RALB: variants seen among roughly 807,000 people sequenced by gnomAD.
RALB encodes ras-related protein Ral-B.
Under a neutral mutation model 21.3 loss-of-function variants are expected in RALB, and 16 were observed. The ratio of observed to expected loss-of-function variants is 0.75; its 90% CI spans 0.51 to 1.14. RALB has a LOEUF of 1.14. Among genes scored for constraint, RALB ranks in the 50% most tolerant of loss-of-function variants. The probability of loss-of-function intolerance (pLI) is 0.00; values close to 1 mark genes in which losing one functional copy is unlikely to be tolerated. For missense variants in RALB, 161 were observed against 256.2 expected, an observed-to-expected ratio of 0.63 and a Z score of 2.54; for synonymous variants, 93 against 96.1, an observed-to-expected ratio of 0.97 and a Z score of 0.19.
intron 2 of RALB, among the ~76,000 whole-genome samples, chr2:120,284,732 C>A (rs988257883): frequency 8.9e-6 from 1 of 111,802 alleles, no homozygotes; most frequent in Admixed American, 9.5e-5. Flanking sequence ...AATTTTAGAT[C>A]ACTTTCATCA....
chr2:120,290,830 G>A (rs147467984), intron 4 of RALB, among the ~76,000 whole-genome samples: 1 of 152,010 alleles, frequency 6.6e-6, no homozygotes, highest in Non-Finnish European at 1.5e-5. Flanking sequence ...AAATTTTAAC[G>A]CTGTGCCTTA....
chr2:120,240,385 A>G (rs1434707286), intron 1 of RALB, among the ~76,000 whole-genome samples: 2 of 151,792 alleles, frequency 1.3e-5, no homozygotes, highest in African/African-American at 2.4e-5. Context: ...CCCAGATTCA[A>G]GTGGTCCTCC....
intron 1 of RALB, among the ~76,000 whole-genome samples, chr2:120,241,550 A>G (rs1688895134): frequency 1.3e-5 from 2 of 152,048 alleles, no homozygotes; most frequent in African/African-American, 4.8e-5. Flanking sequence ...ACATGGCAAA[A>G]CCCCGCTGCT....
intron 4 of RALB, 49 bp downstream of exon 4, chr2:120,289,806 A>G: frequency 6.6e-7 from 1 of 1,511,956 alleles, no homozygotes; most frequent in Non-Finnish European, 8.9e-7. Context: ...GAGAAACAGC[A>G]GAATGGAGGC....
chr2:120,248,239 G>C (rs1297686270), upstream of RALB, among the ~76,000 whole-genome samples: 1 of 152,086 alleles, frequency 6.6e-6, no homozygotes, highest in Non-Finnish European at 1.5e-5. Flanking sequence ...TGCCCCCAGG[G>C]ATGCCCACAG....
At position 120,293,245 on chromosome 2, in the gene RALB, A is replaced by G; in HGVS notation, c.606A>G (p.Arg202=). Residue 202 remains arginine, a synonymous_variant, in exon 5 of 5, where the codon AGA becomes AGG. Coordinates refer to ENST00000272519, the MANE Select transcript of RALB (RefSeq NM_002881.3). The part of the protein sequence containing the change: ...SSKNKKSFKE[R]CCLL ...AGAACAAGAAAAGTTTTAAAGAAAG[A>G]TGTTGCTTACTATGAGTGTCAAGGT... 3 of 1,613,160 alleles carry G rather than the reference A, an allele frequency of 1.9e-6. No individual in the cohort carries two copies. Among genetic ancestry groups the G allele is most frequent in the Admixed American group, 1.7e-5 (1 of 59,934 alleles).
chr2:120,268,290 C>T lies in RALB; in HGVS notation c.-47-10328C>T, dbSNP rs561163323. 2.7e-5 allele frequency among the ~76,000 whole-genome samples: 4 copies of T among 149,046 alleles called. No individual in the cohort carries two copies. In the South Asian group the frequency reaches 8.7e-4, roughly 32 times the overall value. On this transcript the variant is annotated intron_variant, in intron 1 of 4. Coordinates refer to ENST00000272519, the MANE Select transcript of RALB (RefSeq NM_002881.3). The stretch of plus-strand genomic sequence containing the variant: ...CCTGTGTCCAGTTGCTCCTGAGTCC[C>T]AGCCCTATCCTCGGCCTCCTTCCTG...
chr2:120,260,601 C>T (rs555313585), intron 1 of RALB, among the ~76,000 whole-genome samples: 6 of 152,306 alleles, frequency 3.9e-5, no homozygotes, highest in Non-Finnish European at 5.9e-5. Context: ...GGAGGAATGC[C>T]TGGCAAGTGG....
At chr2:120,279,741 C>T (rs1197091387) in intron 2 of RALB, among the ~76,000 whole-genome samples, 2 of 152,176 alleles carry the variant, frequency 1.3e-5, no homozygotes, top group Non-Finnish European at 2.9e-5. Flanking sequence ...ACCTCAGGGC[C>T]TCTCACTTGC....
chr2:120,280,765 C>A, intron 2 of RALB: 2 of 334,554 alleles, frequency 6.0e-6, no homozygotes, highest in East Asian at 9.7e-5. Flanking sequence ...CTCTTCTAAG[C>A]TGTCAGAACA....
chr2:120,294,657 C>T lies in RALB; in HGVS notation c.*1397C>T, dbSNP rs1255985045. 1 of 165,588 alleles carries T rather than the reference C, an allele frequency of 6.0e-6. No individual in the cohort carries two copies. Among genetic ancestry groups the T allele is most frequent in the African/African-American group, 2.4e-5 (1 of 42,064 alleles). 10.3% of individuals were successfully genotyped at this position (165,588 alleles called of 1,614,324 possible). On this transcript the variant is annotated 3_prime_UTR_variant, in exon 5 of 5. Coordinates refer to ENST00000272519, the MANE Select transcript of RALB (RefSeq NM_002881.3). Reference sequence around the variant, plus strand: ...ATCTGACTGGAAAACAATCCTGTATCCCCTCCCAAAGAATCATGGGCTTTT... The same window carrying T: ...ATCTGACTGGAAAACAATCCTGTATTCCCTCCCAAAGAATCATGGGCTTTT...
At chr2:120,277,839 T>TTGAATGTGAGAACATGAGCATGTG (rs1196098408) in intron 1 of RALB, among the ~76,000 whole-genome samples, 3 of 137,118 alleles carry the variant, frequency 2.2e-5, no homozygotes, top group African/African-American at 8.0e-5. Flanking sequence ...ATATGTGTGT[T>TTGAATGTGAGAACATGAGCATGTG]TGAATGTGAG....
intron 1 of RALB, chr2:120,253,559 T>C: frequency 1.0e-6 from 1 of 985,590 alleles, no homozygotes; most frequent in Non-Finnish European, 1.2e-6. Context: ...GGGAAGCGCC[T>C]GGACTGGGCA....
chr2:120,284,364 G>T (rs1387567229), intron 2 of RALB, among the ~76,000 whole-genome samples: 1 of 151,744 alleles, frequency 6.6e-6, no homozygotes, highest in Non-Finnish European at 1.5e-5. Flanking sequence ...TTATTAAGAT[G>T]TAATGCACAT....
chr2:120,271,959 T>G (rs113987110), intron 1 of RALB, among the ~76,000 whole-genome samples: 51 of 152,112 alleles, frequency 3.4e-4, no homozygotes, highest in African/African-American at 1.2e-3. Flanking sequence ...CAACAGAGCT[T>G]TTGGGTGAGT....
chr2:120,277,479 A>G, intron 1 of RALB, among the ~76,000 whole-genome samples: 2 of 150,662 alleles, frequency 1.3e-5, no homozygotes, highest in African/African-American at 4.9e-5. Context: ...TGGTGTGAGC[A>G]TGAACATGTA....
intron 1 of RALB, among the ~76,000 whole-genome samples, chr2:120,267,558 C>T (rs1689534557): frequency 6.6e-6 from 1 of 152,142 alleles, no homozygotes; most frequent in African/African-American, 2.4e-5. Flanking sequence ...CCTATCATGT[C>T]CGAAGCAGGG....
chr2:120,253,309 G>C, intron 1 of RALB: 1 of 843,554 alleles, frequency 1.2e-6, no homozygotes, highest in Non-Finnish European at 1.4e-6. Context: ...CTCCCGCTCG[G>C]GACCGTCCAC....
chr2:120,246,911 T>C (rs376562237), intron 1 of RALB, among the ~76,000 whole-genome samples: 219 of 152,248 alleles, frequency 1.4e-3, no homozygotes, highest in African/African-American at 5.0e-3. Flanking sequence ...AGGGAGGGGC[T>C]GAGCAGGGTC....
Sources: gnomAD v4.1 joint callset for allele counts (sites outside exome capture counted in the v4.1 genomes callset) on GRCh38, gnomAD v4.1.1 for gene constraint, MANE v1.5 for transcripts, NCBI Gene and HGNC (gene_info 2026-07-23, HGNC 2026-07-21) for gene names.